LUC7L2: variants seen among roughly 807,000 people sequenced by gnomAD.
LUC7L2 encodes LUC7 like 2, pre-mRNA splicing factor.
In LUC7L2, 25 loss-of-function variants were observed where a neutral mutation model predicts 52.8. The observed-to-expected ratio is 0.47, with a 90% confidence interval of 0.34 to 0.66. LUC7L2 has a LOEUF of 0.66. Among genes scored for constraint, LUC7L2 ranks in the 30% least tolerant of loss-of-function variants. The pLI, the probability that LUC7L2 is intolerant of heterozygous loss-of-function variation, is 0.01. For missense variants in LUC7L2, 328 were observed against 497.8 expected, an observed-to-expected ratio of 0.66 and a Z score of 3.25; for synonymous variants, 144 against 160.9, an observed-to-expected ratio of 0.89 and a Z score of 0.80.
intron 2 of LUC7L2, among the ~76,000 whole-genome samples, chr7:139,378,712 T>C (rs557377791): frequency 1.1e-4 from 17 of 152,368 alleles, no homozygotes; most frequent in African/African-American, 3.4e-4. Flanking sequence ...ATTTGTTCTT[T>C]AGGGATTGAC....
rs77536492 is a variant in LUC7L2 at position 139,414,434 on chromosome 7, C to G, written c.809+1854C>G. Reference sequence around the variant, plus strand: ...TTACAAATTTGTGTTGGGCTGTATTCAAAGCCATCCTGGGCAGCATGCGGC... The same window carrying G: ...TTACAAATTTGTGTTGGGCTGTATTGAAAGCCATCCTGGGCAGCATGCGGC... On this transcript the variant is annotated intron_variant, in intron 8 of 9. Coordinates refer to ENST00000354926, the MANE Select transcript of LUC7L2 (RefSeq NM_016019.5). Among the ~76,000 whole-genome samples the G allele has an allele frequency of 2.0e-3, 304 of 152,346 alleles. 8 individuals carry two copies. The East Asian group carries it at 0.054, about 27-fold the overall frequency.
chr7:139,360,165 AG>A lies in LUC7L2; in HGVS notation c.-96del. ...TCGAGGCGGCGGCGGCCACCGAGAC[AG>A]CAGCGCACCTTCCCCCATCCCTTCC... On this transcript the variant is annotated 5_prime_UTR_variant, in exon 1 of 10. Transcript: ENST00000354926. 26 of 896,552 alleles carry A rather than the reference AG, an allele frequency of 2.9e-5. No homozygotes were observed. The highest frequency in any genetic ancestry group is 4.3e-5 in the Non-Finnish European group (26 of 601,066). The allele number at this position is 896,552 out of a possible 1,614,324, so 55.5% of individuals were successfully genotyped here. A position where few individuals can be genotyped will look rare whatever the true frequency, so the allele number is the denominator to read the frequency against.
At chr7:139,385,516 T>C (rs1174448509) in intron 2 of LUC7L2, among the ~76,000 whole-genome samples, 1 of 152,020 alleles carries the variant, frequency 6.6e-6, no homozygotes, top group Non-Finnish European at 1.5e-5. Context: ...AGAGAGACTC[T>C]CGCCATGCTG....
At chr7:139,378,209 G>T (rs1408894776) in intron 2 of LUC7L2, among the ~76,000 whole-genome samples, 4 of 151,886 alleles carry the variant, frequency 2.6e-5, no homozygotes, top group Non-Finnish European at 5.9e-5. Flanking sequence ...ATCTATCATT[G>T]TCTATAGTAT....
intron 1 of LUC7L2, among the ~76,000 whole-genome samples, chr7:139,350,169 T>C (rs1321486553): frequency 6.6e-6 from 1 of 152,178 alleles, no homozygotes; most frequent in East Asian, 1.9e-4. Context: ...TGGCCCAGGC[T>C]GGAGTGCAGT....
At chr7:139,398,770 T>C in intron 3 of LUC7L2, 73 bp downstream of exon 3, 2 of 1,422,064 alleles carry the variant, frequency 1.4e-6, no homozygotes, top group Non-Finnish European at 1.9e-6. Flanking sequence ...TTAAGATCTC[T>C]TAATAGGAAA....
intron 2 of LUC7L2, among the ~76,000 whole-genome samples, chr7:139,381,040 C>A: frequency 6.6e-6 from 1 of 152,140 alleles, no homozygotes; most frequent in South Asian, 2.1e-4. Flanking sequence ...TGATAGCCCT[C>A]ATCATAGCGT....
At chr7:139,378,196 G>T (rs1456976068) in intron 2 of LUC7L2, among the ~76,000 whole-genome samples, 2 of 151,880 alleles carry the variant, frequency 1.3e-5, no homozygotes, top group Non-Finnish European at 2.9e-5. Context: ...TGAAATCTAT[G>T]AAATCTATCA....
At chr7:139,420,547 A>C (rs1225100086) in intron 9 of LUC7L2, among the ~76,000 whole-genome samples, 1 of 152,132 alleles carries the variant, frequency 6.6e-6, no homozygotes, top group Admixed American at 6.5e-5. Flanking sequence ...TTCCCCATCT[A>C]CTAAGTGGAG....
intron 1 of LUC7L2, among the ~76,000 whole-genome samples, chr7:139,344,163 T>C (rs936987715): frequency 2.6e-5 from 4 of 152,166 alleles, no homozygotes; most frequent in African/African-American, 9.7e-5. Flanking sequence ...TTGGGGACTT[T>C]GGAATGGATA....
chr7:139,373,039 T>C (rs941657924), intron 1 of LUC7L2, among the ~76,000 whole-genome samples: 5 of 152,212 alleles, frequency 3.3e-5, no homozygotes, highest in African/African-American at 1.2e-4. Context: ...TTGAAAATAA[T>C]TTCTTGTATT....
At chr7:139,420,658 T>TTTAG (rs1470467367) in intron 9 of LUC7L2, among the ~76,000 whole-genome samples, 3 of 152,216 alleles carry the variant, frequency 2.0e-5, no homozygotes, top group Admixed American at 2.0e-4. Context: ...CTCATAGTTT[T>TTTAG]TTAGTTATTA....
intron 1 of LUC7L2, among the ~76,000 whole-genome samples, chr7:139,363,779 T>C (rs1799999567): frequency 1.3e-5 from 2 of 152,190 alleles, no homozygotes; most frequent in South Asian, 2.1e-4. Flanking sequence ...TGTGTGACAG[T>C]TGGAAGAACC....
chr7:139,358,724 G>T (rs1799703848), upstream of LUC7L2, among the ~76,000 whole-genome samples: 1 of 151,764 alleles, frequency 6.6e-6, no homozygotes, highest in South Asian at 2.1e-4. Context: ...TCGCTCTGTC[G>T]CGCAGGTTGC....
At position 139,402,160 on chromosome 7, in the gene LUC7L2, C is replaced by T. The variant is rs1217590562; in HGVS notation, c.279C>T (p.Phe93=). 8.7e-6 allele frequency: 14 copies of T among 1,604,350 alleles called. No individual in the cohort carries two copies. The highest frequency in any genetic ancestry group is 2.3e-5 in the East Asian group (1 of 44,404). The change falls in exon 4 of 10, where the codon TTC becomes TTT. Residue 93 remains phenylalanine, a synonymous_variant. Coordinates refer to ENST00000354926, the MANE Select transcript of LUC7L2 (RefSeq NM_016019.5). ...ELDAMDHLQS[F]IADCDRRTEV... ...AGGCCATGGATCATCTGCAGTCATT[C>T]ATTGCAGATTGTGATCGTAGAACAG...
chr7:139,341,316 T>C (rs1798943180), intron 1 of LUC7L2: 2 of 1,547,510 alleles, frequency 1.3e-6, no homozygotes, highest in South Asian at 2.3e-5. Context: ...ATTAGGCGCC[T>C]GGGCCGGAGG....
chr7:139,417,354 GTTTT>G, intron 8 of LUC7L2, 180 bp from the exon 9 acceptor site: 1 of 780,798 alleles, frequency 1.3e-6, no homozygotes, highest in Non-Finnish European at 1.9e-6. Flanking sequence ...AATTATTAAT[GTTTT>G]ATTTTGAATT....
chr7:139,385,703 A>T (rs1794165874), intron 2 of LUC7L2, among the ~76,000 whole-genome samples: 1 of 152,214 alleles, frequency 6.6e-6, no homozygotes, highest in Non-Finnish European at 1.5e-5. Context: ...TCATTGAAGC[A>T]GATTGTTTTT....
At chr7:139,420,248 G>GCC (rs2116351150) in intron 9 of LUC7L2, among the ~76,000 whole-genome samples, 1 of 152,276 alleles carries the variant, frequency 6.6e-6, no homozygotes, top group South Asian at 2.1e-4. Context: ...CTGTCACCCA[G>GCC]GCTGGAGGGC....
Sources: allele counts gnomAD v4.1 joint callset (sites outside exome capture counted in the v4.1 genomes callset), GRCh38; gene constraint gnomAD v4.1.1; transcripts MANE v1.5; gene names NCBI Gene and HGNC (gene_info 2026-07-23, HGNC 2026-07-21).